The following NFATC4 variants were observed in gnomAD, a reference collection of about 807,000 sequenced individuals.
NFATC4 encodes nuclear factor of activated T cells 4.
Under a neutral mutation model 73.4 loss-of-function variants are expected in NFATC4, and 25 were observed. The ratio of observed to expected loss-of-function variants is 0.34; its 90% CI spans 0.25 to 0.48. The LOEUF is 0.48. Among genes scored for constraint, NFATC4 ranks in the 20% least tolerant of loss-of-function variants. The probability of loss-of-function intolerance (pLI) is 0.99; values close to 1 mark genes in which losing one functional copy is unlikely to be tolerated. For missense variants in NFATC4, 1,130 were observed against 1,203.7 expected (o/e 0.94, Z 0.91); for synonymous variants, 523 against 510.3 (o/e 1.02, Z -0.34).
Position 24,377,069 on chromosome 14 carries a change from G to A in NFATC4, c.2641+191G>A. On this transcript the variant is annotated intron_variant, in intron 9 of 9. Transcript: ENST00000250373. The surrounding 1 kb of genome is among the most constrained non-coding windows in gnomAD (Gnocchi z 4.2). ...TCCAATTAACTGAATTCTGAAGAGT[G>A]CATGGGGTAACTGTCTCAGCCTTTC... The A allele has an allele frequency of 7.3e-7, 1 of 1,363,536 alleles. No homozygotes were observed. Among genetic ancestry groups the A allele is most frequent in the Non-Finnish European group, 9.4e-7 (1 of 1,064,742 alleles). 84.5% of individuals were successfully genotyped at this position (1,363,536 alleles called of 1,614,324 possible).
In NFATC4 at chr14:24,369,636, C is replaced by T; in HGVS notation, c.238C>T (p.Pro80Ser). 2.5e-6 allele frequency: 4 copies of T among 1,613,192 alleles called. No homozygotes were observed. The highest frequency in any genetic ancestry group is 2.2e-5 in the East Asian group (1 of 44,876). Residue 80 changes from proline (P) to serine (S), a missense_variant, in exon 2 of 10, where the codon CCC becomes TCC. Around this residue, in one of 3 missense-constraint regions of NFATC4, gnomAD observed 585 missense variants for 574.3 expected, o/e 1.02. Coordinates refer to ENST00000250373, the MANE Select transcript of NFATC4 (RefSeq NM_004554.5). The part of the protein sequence containing the change: ...GMHSPPPRPA[P>S]SPGTWESQPA... Reference sequence around the variant, plus strand: ...GCATTCGCCACCGCCGCGACCAGCCCCCTCACCTGGCACCTGGGAGAGCCA... The same window carrying T: ...GCATTCGCCACCGCCGCGACCAGCCTCCTCACCTGGCACCTGGGAGAGCCA...
At chr14:24,367,138 C>T, upstream of NFATC4, 1 of 1,613,996 alleles carries the variant, frequency 6.2e-7, no homozygotes, top group Non-Finnish European at 8.5e-7. Context: ...CTAACTCCCT[C>T]TCACACAACC....
Position 24,375,991 on chromosome 14 carries a change from C to G in NFATC4, c.1946C>G (p.Thr649Ser). The G allele has an allele frequency of 6.2e-7, 1 of 1,614,050 alleles. No individual in the cohort carries two copies. Among genetic ancestry groups the G allele is most frequent in the Non-Finnish European group, 8.5e-7 (1 of 1,179,974 alleles). Residue 649 changes from threonine to serine, a missense_variant, in exon 8 of 10, where the codon ACT (threonine) becomes AGT (serine). By Grantham distance (58) the Thr-to-Ser change is moderately conservative. Transcript: ENST00000250373. ...LQSNEVTLTL[T>S]VPEYSNKRVS... ...CTTCCCTAGGTGACGCTGACCCTGACTGTCCCCGAGTACAGCAACAAGAGG... is the reference window on the plus strand; with the variant it reads ...CTTCCCTAGGTGACGCTGACCCTGAGTGTCCCCGAGTACAGCAACAAGAGG...
At chr14:24,368,638 G>A (rs1396873432) in intron 1 of NFATC4, among the ~76,000 whole-genome samples, 198 bp downstream of exon 1, 1 of 150,922 alleles carries the variant, frequency 6.6e-6, no homozygotes, top group Non-Finnish European at 1.5e-5. Flanking sequence ...GTCGTGACTG[G>A]GGTGGGGGTG....
At position 24,377,400 on chromosome 14, in the gene NFATC4, C is replaced by A; in HGVS notation, c.2642-238C>A. ...CCCCTGACATTTCAGGCTAAGCCAG[C>A]AGGAAAGGGCTAGGACGGGTGCCTG... On this transcript the variant is annotated intron_variant, in intron 9 of 9. Transcript: ENST00000250373. This position sits in a 1 kb window ranked among gnomAD's most constrained non-coding sequence, Gnocchi z 4.2. 1.5e-6 allele frequency: 2 copies of A among 1,376,028 alleles called. No individual in the cohort carries two copies. The highest frequency in any genetic ancestry group is 1.9e-6 in the Non-Finnish European group (2 of 1,066,032). The allele number at this position is 1,376,028 out of a possible 1,614,324, so 85.2% of individuals were successfully genotyped here. A position where few individuals can be genotyped will look rare whatever the true frequency, so the allele number is the denominator to read the frequency against.
At position 24,374,372 on chromosome 14, in the gene NFATC4, C is replaced by T; in HGVS notation, c.1779C>T (p.Pro593=). ...QELPQVEAYS[P]SACSVRGGEE... ...TGCCCCAGGTGGAGGCCTACAGCCCCAGTGCCTGCTCTGTGAGAGGAGGCG... is the reference window on the plus strand; with the variant it reads ...TGCCCCAGGTGGAGGCCTACAGCCCTAGTGCCTGCTCTGTGAGAGGAGGCG... The change falls in exon 6 of 10, where the codon CCC becomes CCT. Residue 593 remains proline (P), a synonymous_variant. Transcript: ENST00000250373. 6.2e-7 allele frequency: 1 copy of T among 1,614,000 alleles called. No individual in the cohort carries two copies. The highest frequency in any genetic ancestry group is 1.1e-5 in the South Asian group (1 of 91,062).
Position 24,373,723 on chromosome 14 carries a change from C to T in NFATC4, c.1588C>T (p.Arg530Trp), listed in dbSNP as rs140124494. The change falls in exon 5 of 10, where the codon CGG becomes TGG. Residue 530 changes from arginine to tryptophan, a missense_variant. Arg to Trp is a moderately radical substitution (Grantham distance 101, BLOSUM62 -3). Transcript: ENST00000250373. This position sits in a 1 kb window ranked among gnomAD's most constrained non-coding sequence, Gnocchi z 4.7. ...NIDCAGILKLRNSDIELRKGE... is the reference protein window; with the variant it reads ...NIDCAGILKLWNSDIELRKGE... ...TGACTGCGCGGGAATCCTGAAGCTT[C>T]GGAATTCAGACATTGAGCTTCGGAA... 3 of 1,612,234 alleles carry T rather than the reference C, an allele frequency of 1.9e-6. No individual in the cohort carries two copies. Among genetic ancestry groups the T allele is most frequent in the South Asian group, 1.1e-5 (1 of 90,952 alleles).
In NFATC4 at chr14:24,377,429, G is replaced by A; in HGVS notation, c.2642-209G>A. On this transcript the variant is annotated intron_variant, in intron 9 of 9. Transcript: ENST00000250373. This position sits in a 1 kb window ranked among gnomAD's most constrained non-coding sequence, Gnocchi z 4.2. ...AAAGGGCTAGGACGGGTGCCTGGGA[G>A]CCCACATGGAGGGAGTTGGGCAAGA... 9.2e-6 allele frequency: 13 copies of A among 1,420,554 alleles called. No homozygotes were observed. The highest frequency in any genetic ancestry group is 1.2e-5 in the Non-Finnish European group (13 of 1,091,058). The allele number at this position is 1,420,554 out of a possible 1,614,324, so 88.0% of individuals were successfully genotyped here.
intron 2 of NFATC4, among the ~76,000 whole-genome samples, chr14:24,371,449 C>T (rs2042469426): frequency 6.6e-6 from 1 of 152,140 alleles, no homozygotes; most frequent in African/African-American, 2.4e-5. Flanking sequence ...TTGGGAAAAC[C>T]AAAAATGTCT....
upstream of NFATC4, chr14:24,368,135 G>C (rs2042356769): frequency 3.2e-6 from 4 of 1,235,934 alleles, no homozygotes; most frequent in African/African-American, 1.6e-5. Context: ...ACAGGCTGGG[G>C]GGGGGACCGC....
At chr14:24,375,844 T>A in intron 7 of NFATC4, 129 bp downstream of exon 7, 2 of 1,535,986 alleles carry the variant, frequency 1.3e-6, no homozygotes, top group Non-Finnish European at 1.8e-6. Flanking sequence ...TGTAAGCAGG[T>A]GCATCTCTAG....
chr14:24,377,793 G>A lies in NFATC4; in HGVS notation c.*88G>A. 1.2e-6 allele frequency: 2 copies of A among 1,604,460 alleles called. No homozygotes were observed. The highest frequency in any genetic ancestry group is 1.7e-6 in the Non-Finnish European group (2 of 1,174,400). On this transcript the variant is annotated 3_prime_UTR_variant, in exon 10 of 10. Coordinates refer to ENST00000250373, the MANE Select transcript of NFATC4 (RefSeq NM_004554.5). This position sits in a 1 kb window ranked among gnomAD's most constrained non-coding sequence, Gnocchi z 4.2. ...CCTTCCTGGAGTGGTGGCTACAGAA[G>A]CTTGGGGCCAACCCTGGCTCCTCTT... is the stretch of plus-strand genomic sequence containing the variant.
rs374403830 is a variant in NFATC4 at position 24,373,308 on chromosome 14, C to A, written c.1497C>A (p.Ala499=). The A allele has an allele frequency of 6.2e-7, 1 of 1,614,220 alleles. No individual in the cohort carries two copies. ...GKMVATASYE[A]VVSGTKVLEM... ...TGGTGGCCACGGCCAGCTATGAAGC[C>A]GTAGTCAGTGGCACCAAGGTGTTGG... The change falls in exon 4 of 10, where the codon GCC becomes GCA. Residue 499 remains alanine (A), a synonymous_variant. Transcript: ENST00000250373. The surrounding 1 kb of genome is among the most constrained non-coding windows in gnomAD (Gnocchi z 4.7).
rs190628432 is a variant in NFATC4, at chr14:24,377,114, C to A, written c.2641+236C>A. 184 of 1,307,908 alleles carry A rather than the reference C, an allele frequency of 1.4e-4. 1 individual carries two copies. The African/African-American group carries it at 2.6e-3, about 19-fold the overall frequency. 81.0% of individuals were successfully genotyped at this position (1,307,908 alleles called of 1,614,324 possible). A position where few individuals can be genotyped will look rare whatever the true frequency, so the allele number is the denominator to read the frequency against. On this transcript the variant is annotated intron_variant, in intron 9 of 9. Coordinates refer to ENST00000250373, the MANE Select transcript of NFATC4 (RefSeq NM_004554.5). The surrounding 1 kb of genome is among the most constrained non-coding windows in gnomAD (Gnocchi z 4.2). ...CCTTTCTCCTGTCTCTGCCTCTGTCCTCTGCTCCAAATCATAAAATCTCAG... is the reference window on the plus strand; with the variant it reads ...CCTTTCTCCTGTCTCTGCCTCTGTCATCTGCTCCAAATCATAAAATCTCAG...
At chr14:24,368,834 G>A (rs1351020640) in intron 1 of NFATC4, among the ~76,000 whole-genome samples, 3 of 152,070 alleles carry the variant, frequency 2.0e-5, no homozygotes. Context: ...TGGGGGCGCT[G>A]TCAGGCCTCG....
intron 2 of NFATC4, 91 bp downstream of exon 2, chr14:24,370,685 A>G (rs2042452015): frequency 6.7e-7 from 1 of 1,481,886 alleles, no homozygotes; most frequent in Non-Finnish European, 9.0e-7. Flanking sequence ...CACTAGTTTC[A>G]TGCCCTCTGA....
intron 2 of NFATC4, 181 bp from the exon 3 acceptor site, chr14:24,372,260 C>T: frequency 1.5e-6 from 1 of 650,890 alleles, no homozygotes; most frequent in Non-Finnish European, 2.5e-6. Context: ...ATTTCTTTGT[C>T]CTTTTTTTAG....
chr14:24,377,197 GT>G lies in NFATC4; in HGVS notation c.2641+321del. 1 of 1,268,314 alleles carries G rather than the reference GT, an allele frequency of 7.9e-7. No homozygotes were observed. The highest frequency in any genetic ancestry group is 1.5e-5 in the African/African-American group (1 of 66,074). The allele number at this position is 1,268,314 out of a possible 1,614,324, so 78.6% of individuals were successfully genotyped here. ...GCGCATTCAATTTGCAAGTTTAGGC[GT>G]TGAGTTCCAGAGAGGGATGGTAGCT... is the stretch of plus-strand genomic sequence containing the variant. On this transcript the variant is annotated intron_variant, in intron 9 of 9. Coordinates refer to ENST00000250373, the MANE Select transcript of NFATC4 (RefSeq NM_004554.5). The surrounding 1 kb of genome is among the most constrained non-coding windows in gnomAD (Gnocchi z 4.2).
intron 3 of NFATC4, 196 bp from the exon 4 acceptor site, chr14:24,372,975 T>C: frequency 1.5e-6 from 1 of 645,592 alleles, no homozygotes; most frequent in South Asian, 2.0e-5. Flanking sequence ...CACTTTGGGC[T>C]TTATTCCAAG....
Sources: gnomAD v4.1 joint callset for allele counts (sites outside exome capture counted in the v4.1 genomes callset) on GRCh38, gnomAD v4.1.1 for gene constraint, gnomAD v4.1.1 regional missense constraint, Gnocchi (gnomAD v3.1) non-coding constraint, MANE v1.5 for transcripts, NCBI Gene and HGNC (gene_info 2026-07-23, HGNC 2026-07-21) for gene names.